The following NUGGC variants were observed in gnomAD, a reference collection of about 807,000 sequenced individuals.
NUGGC encodes the protein nuclear GTPase SLIP-GC.
A neutral mutation model predicts 92.6 loss-of-function variants in NUGGC; 58 were observed. The observed-to-expected ratio is 0.63, with a 90% CI of 0.51 to 0.78. The LOEUF is 0.78. Ranked by LOEUF, NUGGC falls within the 30% of genes least tolerant of loss-of-function variation. NUGGC has a pLI of 0.00. For missense variants in NUGGC, 925 were observed against 964.6 expected (o/e 0.96, Z 0.54); for synonymous variants, 376 against 366.4 (o/e 1.03, Z -0.30).
At chr8:28,048,632 G>C (rs913429450) in intron 10 of NUGGC, among the ~76,000 whole-genome samples, 1 of 152,084 alleles carries the variant, frequency 6.6e-6, no homozygotes, top group African/African-American at 2.4e-5. Flanking sequence ...GGGAGGCCAA[G>C]GCAGGCGGAT....
chr8:28,055,220 T>G (rs534452116), intron 10 of NUGGC, among the ~76,000 whole-genome samples: 1 of 152,114 alleles, frequency 6.6e-6, no homozygotes, highest in East Asian at 1.9e-4. Context: ...CCCACTGCAC[T>G]CCAGCCTGGG....
intron 10 of NUGGC, among the ~76,000 whole-genome samples, chr8:28,050,280 G>T (rs1021296630): frequency 2.0e-5 from 3 of 152,214 alleles, no homozygotes; most frequent in African/African-American, 7.2e-5. Flanking sequence ...AGCTACTCGG[G>T]AGGCTGAGGC....
intron 2 of NUGGC, among the ~76,000 whole-genome samples, chr8:28,074,104 C>CTT (rs746696076): frequency 2.9e-5 from 4 of 140,162 alleles, no homozygotes; most frequent in Non-Finnish European, 6.2e-5. Flanking sequence ...CAGCCTGGAA[C>CTT]TTTTTTTTTT....
chr8:28,070,585 CA>C (rs375779446), intron 2 of NUGGC, among the ~76,000 whole-genome samples: 5,179 of 149,254 alleles, frequency 0.035, 139 homozygotes, highest in Non-Finnish European at 0.051. Context: ...ACCCTTGTCT[CA>C]AAAAAAAATT....
At chr8:28,064,388 G>A (rs774454144) in intron 7 of NUGGC, 134 bp downstream of exon 7, 2 of 792,036 alleles carry the variant, frequency 2.5e-6, no homozygotes, top group Non-Finnish European at 4.1e-6. Flanking sequence ...TTGAGACTTA[G>A]AACATAGAAA....
chr8:28,041,198 C>T lies in NUGGC; in HGVS notation c.1464G>A (p.Met488Ile). 1 of 1,610,834 alleles carries T rather than the reference C, an allele frequency of 6.2e-7. No homozygotes were observed. Among genetic ancestry groups the T allele is most frequent in the Non-Finnish European group, 8.5e-7 (1 of 1,178,728 alleles). Residue 488 changes from methionine to isoleucine, a missense_variant, in exon 13 of 19, where the codon ATG becomes ATA. Transcript: ENST00000413272. The stretch of plus-strand genomic sequence containing the variant: ...CTTCCGCAAATCTCCGCAGGACACT[C>T]ATGTGCAAGTGTTCATTCTAGGGAC... ...TQNLPNEHLH[M>I]SVLRRFAEEK...
At chr8:28,076,566 G>A (rs992645983) in intron 1 of NUGGC, among the ~76,000 whole-genome samples, 15 of 152,200 alleles carry the variant, frequency 9.9e-5, no homozygotes, top group African/African-American at 3.6e-4. Flanking sequence ...CAAAGGGCTG[G>A]GGTTACAGGT....
At chr8:28,035,818 G>A (rs1022778282) in intron 13 of NUGGC, among the ~76,000 whole-genome samples, 1 of 152,204 alleles carries the variant, frequency 6.6e-6, no homozygotes, top group Non-Finnish European at 1.5e-5. Flanking sequence ...AATGGCTCTG[G>A]TTTGCTTTTG....
chr8:28,083,285 T>G (rs183894918), intron 1 of NUGGC, among the ~76,000 whole-genome samples: 1 of 152,322 alleles, frequency 6.6e-6, no homozygotes, highest in Non-Finnish European at 1.5e-5. Context: ...AACAGCACTT[T>G]AACTCTGGGA....
In NUGGC at chr8:28,022,143, A is replaced by ATT. The variant is rs1231799868; in HGVS notation, c.*1172_*1173dup. The ATT allele has an allele frequency of 5.1e-4, 63 of 122,550 alleles. No individual in the cohort carries two copies. Among genetic ancestry groups the ATT allele is most frequent in the African/African-American group, 1.7e-3 (57 of 32,664 alleles). The allele number at this position is 122,550 out of a possible 1,614,324, so 7.6% of individuals were successfully genotyped here. On this transcript the variant is annotated 3_prime_UTR_variant, in exon 19 of 19. Coordinates refer to ENST00000413272, the MANE Select transcript of NUGGC (RefSeq NM_001010906.2). ...TGGGTGTGTGTGTGTATATATATATATTTTTTTCTTTTTCTTTTTTTTTTT... is the reference window on the plus strand; with the variant it reads ...TGGGTGTGTGTGTGTATATATATATATTTTTTTTTCTTTTTCTTTTTTTTTTT...
In NUGGC at chr8:28,045,888, A is replaced by C. The variant is rs558374466; in HGVS notation, c.1313-228T>G. Among the ~76,000 whole-genome samples the C allele has an allele frequency of 4.2e-4, 64 of 152,320 alleles. 1 individual carries two copies. In the South Asian group the frequency reaches 0.013, roughly 31 times the overall value. ...GCAATACTGCATATTCATTTTATTT[A>C]GCCGTATTAAAAAAACTACATGGAA... On this transcript the variant is annotated intron_variant, in intron 11 of 18. Coordinates refer to ENST00000413272, the MANE Select transcript of NUGGC (RefSeq NM_001010906.2).
Position 28,045,538 on chromosome 8 carries a change from G to A in NUGGC, c.1435C>T (p.Gln479Ter). The A allele has an allele frequency of 6.2e-7, 1 of 1,612,184 alleles. No homozygotes were observed. Among genetic ancestry groups the A allele is most frequent in the Non-Finnish European group, 8.5e-7 (1 of 1,179,640 alleles). Residue 479 changes from glutamine to a stop codon, truncating the protein, a stop_gained, in exon 12 of 19, where the codon CAA becomes TAA. Coordinates refer to ENST00000413272, the MANE Select transcript of NUGGC (RefSeq NM_001010906.2). LOFTEE classifies it high-confidence loss of function. ...AGTGTCTTCCATACCGGCAGGTTTT[G>A]CGTGGAGTTGAAACTATCTGTGAGG... ...LLLTDSFNST[Q>*]NLPNEHLHMS...
intron 12 of NUGGC, among the ~76,000 whole-genome samples, chr8:28,043,749 A>G (rs1305948370): frequency 6.6e-6 from 1 of 152,150 alleles, no homozygotes; most frequent in East Asian, 1.9e-4. Flanking sequence ...CACCAACCTC[A>G]CACAGCCCAC....
Position 28,023,426 on chromosome 8 carries a change from T to C in NUGGC, c.2282A>G (p.His761Arg), listed in dbSNP as rs1325709215. 1.9e-6 allele frequency: 3 copies of C among 1,613,834 alleles called. No individual in the cohort carries two copies. The highest frequency in any genetic ancestry group is 1.1e-5 in the South Asian group (1 of 91,078). ...CTCCGCGACCTCCCTCAGGCTTCTG[T>C]GCAGCTTCTCCATCTCCTTGTATTC... ...GSEYKEMEKL[H>R]RSLREVAENA... Residue 761 changes from histidine to arginine, a missense_variant, in exon 19 of 19, where the codon CAC becomes CGC. His to Arg is a conservative substitution (Grantham distance 29). Coordinates refer to ENST00000413272, the MANE Select transcript of NUGGC (RefSeq NM_001010906.2).
Position 28,074,394 on chromosome 8 carries a change from T to A in NUGGC, c.17A>T (p.Asp6Val), listed in dbSNP as rs1463687209. The A allele has an allele frequency of 5.0e-6, 8 of 1,613,642 alleles. No individual in the cohort carries two copies. The Admixed American group carries it at 5.0e-5, about 10-fold the overall frequency. Residue 6 changes from aspartate (D) to valine (V), a missense_variant, in exon 2 of 19, where the codon GAT becomes GTT. Coordinates refer to ENST00000413272, the MANE Select transcript of NUGGC (RefSeq NM_001010906.2). ...TGGATGCGGTTCCTGGCCAAAAACA[T>A]CCTTCGTTTCTGCCATTCCTTGTTA... MAETK[D>V]VFGQEPHPVE... is the part of the protein sequence containing the mutation.
At chr8:28,042,846 T>C (rs1025663955) in intron 12 of NUGGC, among the ~76,000 whole-genome samples, 1 of 152,206 alleles carries the variant, frequency 6.6e-6, no homozygotes, top group Non-Finnish European at 1.5e-5. Flanking sequence ...CTCGAATCGA[T>C]GTGTGACCTG....
At chr8:28,060,676 T>C (rs1037411041) in intron 7 of NUGGC, 75 bp from the exon 8 acceptor site, 115 of 1,380,848 alleles carry the variant, frequency 8.3e-5, no homozygotes, top group South Asian at 4.6e-4. Context: ...CCCTAATGTA[T>C]CCCTTAAGCC....
chr8:28,024,499 C>T (rs1347651053), intron 18 of NUGGC, among the ~76,000 whole-genome samples: 1 of 152,154 alleles, frequency 6.6e-6, no homozygotes, highest in Non-Finnish European at 1.5e-5. Flanking sequence ...TCGTGTGGGC[C>T]AACTTCTTAA....
At position 28,069,582 on chromosome 8, in the gene NUGGC, G is replaced by T. The variant is rs760389716; in HGVS notation, c.219C>A (p.Phe73Leu). ...NTYQKLIQSV[F>L]LDDSIPNGVK... ...CTCCATTAGGGATGCTGTCATCCAG[G>T]AAGACAGACTGAATAAGTTTCTGAT... Residue 73 changes from phenylalanine (F) to leucine (L), a missense_variant, in exon 4 of 19, where the codon TTC (phenylalanine) becomes TTA (leucine). Transcript: ENST00000413272. The T allele has an allele frequency of 1.9e-6, 3 of 1,609,960 alleles. No individual in the cohort carries two copies. In the East Asian group the frequency reaches 6.7e-5, roughly 36 times the overall value.
Sources: gnomAD v4.1 joint callset for allele counts (sites outside exome capture counted in the v4.1 genomes callset) on GRCh38, gnomAD v4.1.1 for gene constraint, MANE v1.5 for transcripts, NCBI Gene and HGNC (gene_info 2026-07-23, HGNC 2026-07-21) for gene names.